The following PHACTR1 variants were observed in gnomAD, a reference collection of about 807,000 sequenced individuals.
PHACTR1 encodes the protein RPEL repeat containing 1.
PHACTR1 carries 16 observed loss-of-function variants against 69.2 expected under a neutral mutation model. The ratio of observed to expected loss-of-function variants is 0.23; its 90% confidence interval spans 0.16 to 0.35. The LOEUF is 0.35. PHACTR1 is among the 10% of genes least tolerant of loss of function. PHACTR1 has a pLI of 1.00. For synonymous variants in PHACTR1, 312 were observed against 284.5 expected (o/e 1.10, Z -0.97); for missense variants, 510 against 734.7 (o/e 0.69, Z 3.54).
In PHACTR1 at chr6:12,933,933, C is replaced by T. The variant is rs567957687; in HGVS notation, c.251-119432C>T. On this transcript the variant is annotated intron_variant, in intron 4 of 14. Transcript: ENST00000332995. ...TTGGTCCATATGGGAAGGGAAAATG[C>T]GGGTTGGCGTGTGTATTCATTTCCT... 62 of 1,603,984 alleles carry T rather than the reference C, an allele frequency of 3.9e-5. No homozygotes were observed. In the East Asian group the frequency reaches 7.2e-4, roughly 19 times the overall value.
At chr6:13,122,651 A>G (rs923875457) in intron 5 of PHACTR1, among the ~76,000 whole-genome samples, 2 of 152,236 alleles carry the variant, frequency 1.3e-5, no homozygotes, top group Non-Finnish European at 2.9e-5. Context: ...ACTTTTAAAT[A>G]CTTAAAATCT....
intron 4 of PHACTR1, among the ~76,000 whole-genome samples, chr6:12,789,794 A>G (rs1357180229): frequency 6.7e-6 from 1 of 150,128 alleles, no homozygotes; most frequent in Non-Finnish European, 1.5e-5. Context: ...TTATTATTAT[A>G]CTTTAAGTTT....
chr6:12,783,958 A>C (rs770849872), intron 4 of PHACTR1, among the ~76,000 whole-genome samples: 3 of 152,182 alleles, frequency 2.0e-5, no homozygotes, highest in Non-Finnish European at 2.9e-5. Flanking sequence ...ACACATATAC[A>C]TGATGATATA....
intron 4 of PHACTR1, among the ~76,000 whole-genome samples, chr6:12,944,787 A>ATTTATTTATTTTTT (rs1554172585): frequency 2.6e-5 from 3 of 116,340 alleles, no homozygotes; most frequent in East Asian, 2.1e-4. Flanking sequence ...ATTTTTATTT[A>ATTTATTTATTTTTT]TTTTTTTTTT....
intron 5 of PHACTR1, among the ~76,000 whole-genome samples, chr6:13,061,841 A>G (rs1807725214): frequency 1.3e-5 from 2 of 152,180 alleles, no homozygotes; most frequent in Non-Finnish European, 2.9e-5. Context: ...GTTTTGGCCC[A>G]TCATATTTTT....
At chr6:12,923,201 A>C (rs1787903037) in intron 4 of PHACTR1, among the ~76,000 whole-genome samples, 1 of 152,188 alleles carries the variant, frequency 6.6e-6, no homozygotes, top group Non-Finnish European at 1.5e-5. Context: ...AAGAGATGAG[A>C]GGAGACAGGG....
chr6:13,008,601 AAAAC>A (rs1478226473), intron 4 of PHACTR1, among the ~76,000 whole-genome samples: 4 of 152,220 alleles, frequency 2.6e-5, no homozygotes, highest in African/African-American at 9.6e-5. Flanking sequence ...GCATCTGCAA[AAAAC>A]AAACAAAAAA....
intron 4 of PHACTR1, among the ~76,000 whole-genome samples, chr6:12,898,877 C>G (rs1784932594): frequency 1.3e-5 from 2 of 152,210 alleles, no homozygotes; most frequent in Admixed American, 6.5e-5. Flanking sequence ...CACTGCAGCC[C>G]TGTTCCCAGT....
At chr6:13,247,593 G>A (rs1233068271) in intron 10 of PHACTR1, among the ~76,000 whole-genome samples, 6 of 151,976 alleles carry the variant, frequency 3.9e-5, no homozygotes, top group Non-Finnish European at 7.4e-5. Context: ...TGATCCGCCC[G>A]CCTTGGCCTC....
chr6:12,957,255 C>CAA (rs35500368), intron 4 of PHACTR1: 11,357 of 269,822 alleles, frequency 0.042, 101 homozygotes, highest in African/African-American at 0.055. Flanking sequence ...AACAAATACT[C>CAA]AAAAAAAAAA....
chr6:12,750,999 T>TGC (rs1245970903), intron 4 of PHACTR1, among the ~76,000 whole-genome samples: 8 of 151,916 alleles, frequency 5.3e-5, no homozygotes, highest in African/African-American at 1.4e-4. Context: ...TGTGTGCGCG[T>TGC]GCGTGCGCGT....
intron 10 of PHACTR1, among the ~76,000 whole-genome samples, chr6:13,269,395 T>A (rs1777300467): frequency 6.6e-6 from 1 of 152,242 alleles, no homozygotes. Context: ...GCTTTCCTCC[T>A]GCAGCGTGAG....
At chr6:13,049,279 A>G (rs1482480592) in intron 4 of PHACTR1, among the ~76,000 whole-genome samples, 3 of 152,044 alleles carry the variant, frequency 2.0e-5, no homozygotes, top group Non-Finnish European at 4.4e-5. Flanking sequence ...AACGATACAT[A>G]TTTTCATACC....
chr6:13,052,042 C>A (rs533435017), intron 4 of PHACTR1, among the ~76,000 whole-genome samples: 1 of 152,280 alleles, frequency 6.6e-6, no homozygotes, highest in East Asian at 1.9e-4. Context: ...TGAAGGGTAC[C>A]ACTCTGCTGA....
chr6:13,190,214 T>TTTTTTTTTTTA (rs59234276), intron 7 of PHACTR1, among the ~76,000 whole-genome samples: 4 of 147,408 alleles, frequency 2.7e-5, no homozygotes, highest in African/African-American at 5.0e-5. Flanking sequence ...TTTTTTTTTT[T>TTTTTTTTTTTA]AGTAGAGGTG....
rs149861206 is a variant in PHACTR1 at position 12,829,964 on chromosome 6, AAGAGAG to A, written c.250+80202_250+80207del. 2.1e-3 allele frequency among the ~76,000 whole-genome samples: 211 copies of A among 99,938 alleles called. 3 individuals are homozygous for A. The highest frequency in any genetic ancestry group is 0.015 in the Middle Eastern group (3 of 194). The allele number at this position is 99,938 out of a possible 152,430, so 65.6% of individuals were successfully genotyped here. A position where few individuals can be genotyped will look rare whatever the true frequency, so the allele number is the denominator to read the frequency against. On this transcript the variant is annotated intron_variant, in intron 4 of 14. Coordinates refer to ENST00000332995, the MANE Select transcript of PHACTR1 (RefSeq NM_030948.6). The stretch of plus-strand genomic sequence containing the variant: ...CAGAGCAAGACTCCGTCAAGAAAGA[AAGAGAG>A]AGAGAGAGAGAGAGAGAGAGAGAGA...
At chr6:12,975,196 C>A (rs1451787971) in intron 4 of PHACTR1, among the ~76,000 whole-genome samples, 1 of 152,176 alleles carries the variant, frequency 6.6e-6, no homozygotes, top group Non-Finnish European at 1.5e-5. Flanking sequence ...GTTTTGCATT[C>A]TTTTAAACTT....
intron 4 of PHACTR1, among the ~76,000 whole-genome samples, chr6:13,038,489 A>T (rs981483839): frequency 6.3e-5 from 5 of 79,146 alleles, no homozygotes; most frequent in East Asian, 2.4e-4. Flanking sequence ...TCAAGTGTTT[A>T]AAAAAAAAAA....
intron 5 of PHACTR1, among the ~76,000 whole-genome samples, chr6:13,100,165 A>C (rs1004608555): frequency 6.6e-6 from 1 of 152,196 alleles, no homozygotes; most frequent in Admixed American, 6.5e-5. Context: ...AAGCAAAAGA[A>C]CATACAAATT....
Sources: allele counts gnomAD v4.1 joint callset (sites outside exome capture counted in the v4.1 genomes callset), GRCh38; gene constraint gnomAD v4.1.1; transcripts MANE v1.5; gene names NCBI Gene and HGNC (gene_info 2026-07-23, HGNC 2026-07-21).